TPRG1: variants seen among roughly 807,000 people sequenced by gnomAD.
TPRG1 encodes the protein tumor protein p63-regulated gene 1 protein.
TPRG1 carries 29 observed loss-of-function variants against 29.3 expected under a neutral mutation model. The observed-to-expected ratio is 0.99, with a 90% CI of 0.74 to 1.35. The LOEUF (loss-of-function observed/expected upper bound fraction) is 1.35. TPRG1 is among the 40% of genes most tolerant of loss of function. The probability of loss-of-function intolerance (pLI) is 0.00; values close to 1 mark genes in which losing one functional copy is unlikely to be tolerated. For missense variants in TPRG1, 327 were observed against 335.0 expected, an observed-to-expected ratio of 0.98 and a Z score of 0.19; for synonymous variants, 130 against 116.8, an observed-to-expected ratio of 1.11 and a Z score of -0.73.
chr3:189,296,848 C>G (rs1005621061), intron 4 of TPRG1, among the ~76,000 whole-genome samples: 3 of 152,132 alleles, frequency 2.0e-5, no homozygotes, highest in African/African-American at 7.2e-5. Flanking sequence ...AAACCTTATA[C>G]TAGTCTGTTT....
At chr3:189,178,141 A>G (rs1578682315) in intron 1 of TPRG1, among the ~76,000 whole-genome samples, 1 of 152,238 alleles carries the variant, frequency 6.6e-6, no homozygotes, top group African/African-American at 2.4e-5. Context: ...GTTCCTTTCA[A>G]GGAGCTTATT....
chr3:189,017,384 C>G (rs1478116344), intron 3 of TPRG1, among the ~76,000 whole-genome samples: 1 of 152,078 alleles, frequency 6.6e-6, no homozygotes, highest in African/African-American at 2.4e-5. Flanking sequence ...ACCTGCTCCC[C>G]CCACCTCACA....
chr3:189,155,153 G>A (rs1277784929), intron 5 of TPRG1, among the ~76,000 whole-genome samples: 4 of 152,140 alleles, frequency 2.6e-5, no homozygotes, highest in Non-Finnish European at 5.9e-5. Flanking sequence ...AAGCCAGGAG[G>A]TGGCTGGGCC....
intron 3 of TPRG1, among the ~76,000 whole-genome samples, chr3:189,019,153 G>A (rs1288991726): frequency 6.6e-6 from 1 of 150,894 alleles, no homozygotes; most frequent in Non-Finnish European, 1.5e-5. Flanking sequence ...GGGTTTTCTA[G>A]ATATACAATC....
intron 5 of TPRG1, among the ~76,000 whole-genome samples, chr3:189,162,640 G>C (rs557146228): frequency 2.7e-4 from 41 of 152,272 alleles, no homozygotes; most frequent in African/African-American, 9.6e-4. Flanking sequence ...ATGGAAGAGA[G>C]AGAAAGACAG....
At chr3:189,247,834 T>C (rs1465209136) in intron 4 of TPRG1, among the ~76,000 whole-genome samples, 1 of 151,994 alleles carries the variant, frequency 6.6e-6, no homozygotes, top group Non-Finnish European at 1.5e-5. Context: ...TTTGGCAGGT[T>C]CAAGGTATGA....
At chr3:189,160,197 G>A (rs1217666078) in intron 5 of TPRG1, among the ~76,000 whole-genome samples, 7 of 152,136 alleles carry the variant, frequency 4.6e-5, no homozygotes, top group South Asian at 2.1e-4. Context: ...AAGGAGAAAC[G>A]TGGAGTGAAT....
intron 4 of TPRG1, among the ~76,000 whole-genome samples, chr3:189,062,205 G>A (rs367634646): frequency 6.6e-6 from 1 of 152,080 alleles, no homozygotes. Context: ...CAAATACCAC[G>A]TGTTCTCGCT....
chr3:189,272,154 T>A (rs919919257), intron 4 of TPRG1, among the ~76,000 whole-genome samples: 1 of 152,272 alleles, frequency 6.6e-6, no homozygotes, highest in South Asian at 2.1e-4. Flanking sequence ...AATTTATTCA[T>A]GTCATCGTTT....
intron 3 of TPRG1, among the ~76,000 whole-genome samples, chr3:189,231,287 C>T (rs1208287006): frequency 8.9e-5 from 9 of 100,746 alleles, no homozygotes; most frequent in African/African-American, 1.6e-4. Context: ...TATATATATG[C>T]ACACACACAT....
intron 3 of TPRG1, among the ~76,000 whole-genome samples, chr3:189,014,953 T>C (rs112580529): frequency 9.5e-4 from 145 of 152,182 alleles, no homozygotes; most frequent in African/African-American, 3.4e-3. Flanking sequence ...TACTTGAAAA[T>C]GTAAAAAGAA....
intron 1 of TPRG1, among the ~76,000 whole-genome samples, chr3:189,104,580 C>G (rs1719589643): frequency 6.6e-6 from 1 of 151,786 alleles, no homozygotes. Context: ...GAAGAAAGCC[C>G]CGATTTGTAC....
At chr3:189,290,473 G>A (rs1256934509) in intron 4 of TPRG1, among the ~76,000 whole-genome samples, 3 of 152,214 alleles carry the variant, frequency 2.0e-5, no homozygotes, top group African/African-American at 7.2e-5. Flanking sequence ...ATCTTTCGTT[G>A]AGCACATTAA....
chr3:189,228,208 A>T (rs1252235096), intron 3 of TPRG1, among the ~76,000 whole-genome samples: 1 of 152,196 alleles, frequency 6.6e-6, no homozygotes, highest in Non-Finnish European at 1.5e-5. Context: ...ATATTTACAG[A>T]AGAATGAACA....
chr3:189,281,707 A>G (rs1258998640), intron 4 of TPRG1, among the ~76,000 whole-genome samples: 2 of 152,168 alleles, frequency 1.3e-5, no homozygotes, highest in Non-Finnish European at 1.5e-5. Flanking sequence ...TTGTTTTCAC[A>G]AAGATTGAGC....
intron 3 of TPRG1, among the ~76,000 whole-genome samples, chr3:189,220,205 T>G (rs1736737509): frequency 6.6e-6 from 1 of 152,134 alleles, no homozygotes; most frequent in African/African-American, 2.4e-5. Flanking sequence ...GTGCAAAGAC[T>G]CCCCATTTAA....
chr3:189,243,002 T>C (rs1740858770), intron 4 of TPRG1, among the ~76,000 whole-genome samples: 1 of 152,198 alleles, frequency 6.6e-6, no homozygotes, highest in Non-Finnish European at 1.5e-5. Flanking sequence ...ATAAGATATT[T>C]AGTGATATCT....
intron 2 of TPRG1, 72 bp from the exon 3 acceptor site, chr3:189,215,220 T>C: frequency 1.6e-6 from 2 of 1,258,662 alleles, no homozygotes; most frequent in East Asian, 2.5e-5. Flanking sequence ...GCTGCTGGAA[T>C]ATACTAACTA....
chr3:189,075,490 A>G (rs554918375), intron 4 of TPRG1, among the ~76,000 whole-genome samples: 2 of 152,138 alleles, frequency 1.3e-5, no homozygotes, highest in East Asian at 3.9e-4. Flanking sequence ...AGACTTCTTT[A>G]TGAGTTTTAG....
Sources: allele counts gnomAD v4.1 joint callset (sites outside exome capture counted in the v4.1 genomes callset), GRCh38; gene constraint gnomAD v4.1.1; transcripts MANE v1.5; gene names NCBI Gene and HGNC (gene_info 2026-07-23, HGNC 2026-07-21).